The following DDX60 variants were observed in gnomAD, a reference collection of about 807,000 sequenced individuals.
DDX60 encodes the protein probable ATP-dependent RNA helicase DDX60.
A neutral mutation model predicts 212.8 loss-of-function variants in DDX60; 165 were observed. That is an observed-to-expected ratio of 0.78 (90% CI 0.68 to 0.88). The LOEUF (loss-of-function observed/expected upper bound fraction) is 0.88, where lower values mean the gene tolerates loss of function less well. Ranked by LOEUF, DDX60 falls within the 40% of genes least tolerant of loss-of-function variation. The pLI is 0.00. For synonymous variants in DDX60, 703 were observed against 685.3 expected (o/e 1.03, Z -0.40); for missense variants, 1,905 against 2,003.9 (o/e 0.95, Z 0.94).
intron 7 of DDX60, 107 bp from the exon 8 acceptor site, chr4:168,292,013 C>T (rs1228681938): frequency 1.7e-6 from 1 of 581,740 alleles, no homozygotes; most frequent in East Asian, 3.3e-5. Flanking sequence ...GTTCAGGAAT[C>T]ATGAATTATT....
the DDX60 span, among the ~76,000 whole-genome samples, chr4:168,325,596 AT>A: frequency 6.6e-6 from 1 of 152,266 alleles, no homozygotes; most frequent in Admixed American, 6.5e-5. Flanking sequence ...AGATGCACGT[AT>A]AAAATTAAAA....
chr4:168,308,312 C>T, intron 3 of DDX60, 117 bp from the exon 4 acceptor site: 1 of 629,552 alleles, frequency 1.6e-6, no homozygotes, highest in South Asian at 2.1e-5. Context: ...GCTGAGTTGT[C>T]TCATGGCAGT....
At chr4:168,254,868 T>C (rs1734344603) in intron 26 of DDX60, among the ~76,000 whole-genome samples, 1 of 152,074 alleles carries the variant, frequency 6.6e-6, no homozygotes, top group Non-Finnish European at 1.5e-5. Context: ...TATTGAGTAT[T>C]GGTAGAGGAG....
rs1212517313 is a variant in DDX60 at position 168,216,760 on chromosome 4, T to C, written c.*173A>G. On this transcript the variant is annotated 3_prime_UTR_variant, in exon 38 of 38. Transcript: ENST00000393743. ...ATTTGTGAGTATTCATGACAGAACA[T>C]GGCAGGTTTGATTGCAACTCTGTTT... The C allele has an allele frequency of 7.8e-6, 4 of 509,598 alleles. No individual in the cohort carries two copies. Among genetic ancestry groups the C allele is most frequent in the Non-Finnish European group, 1.0e-5 (3 of 293,518 alleles). The allele number at this position is 509,598 out of a possible 1,614,324, so 31.6% of individuals were successfully genotyped here.
intron 29 of DDX60, 49 bp from the exon 30 acceptor site, chr4:168,246,667 C>T: frequency 6.3e-7 from 1 of 1,585,818 alleles, no homozygotes; most frequent in Non-Finnish European, 8.6e-7. Context: ...AATGCTTCTA[C>T]TGCCATAGTG....
chr4:168,228,525 T>C (rs1733336487), intron 33 of DDX60, among the ~76,000 whole-genome samples: 1 of 152,048 alleles, frequency 6.6e-6, no homozygotes, highest in Non-Finnish European at 1.5e-5. Context: ...ATTTTACTAG[T>C]CTTTTAGCTG....
chr4:168,219,394 T>A, intron 37 of DDX60, among the ~76,000 whole-genome samples: 1 of 152,238 alleles, frequency 6.6e-6, no homozygotes, highest in East Asian at 1.9e-4. Context: ...GTGTGAATGA[T>A]TGATTGATTG....
chr4:168,275,725 A>G (rs1285561940), intron 15 of DDX60, among the ~76,000 whole-genome samples: 2 of 152,200 alleles, frequency 1.3e-5, no homozygotes, highest in Non-Finnish European at 2.9e-5. Context: ...ATATTTAAAG[A>G]CAATTGAATA....
At chr4:168,299,592 A>G (rs923692779) in intron 6 of DDX60, among the ~76,000 whole-genome samples, 24 of 152,108 alleles carry the variant, frequency 1.6e-4, no homozygotes, top group Non-Finnish European at 1.3e-4. Flanking sequence ...AGAATTCACA[A>G]ATACACAAAA....
At position 168,228,652 on chromosome 4, in the gene DDX60, C is replaced by A. The variant is rs551053838; in HGVS notation, c.4534-2976G>T. Among the ~76,000 whole-genome samples, 5 of 152,080 alleles carry A rather than the reference C, an allele frequency of 3.3e-5. No homozygotes were observed. In the East Asian group the frequency reaches 9.7e-4, roughly 29 times the overall value. ...CTTACATTATAATTTTCATAAACTTCAGTTCTATGTATTATTTCAAATTTT... is the reference window on the plus strand; with the variant it reads ...CTTACATTATAATTTTCATAAACTTAAGTTCTATGTATTATTTCAAATTTT... On this transcript the variant is annotated intron_variant, in intron 33 of 37. Coordinates refer to ENST00000393743, the MANE Select transcript of DDX60 (RefSeq NM_017631.6).
Position 168,220,665 on chromosome 4 carries a change from T to C in DDX60, c.5029A>G (p.Lys1677Glu), listed in dbSNP as rs766921690. Residue 1677 changes from lysine to glutamate, a missense_variant, in exon 37 of 38, where the codon AAA becomes GAA. Physicochemically the swap from Lys to Glu is moderately conservative, Grantham distance 56. Transcript: ENST00000393743. ...YLLKDFALTI[K>E]SISVSLRELC... ...AAATATATAACACACCTGATAGATT[T>C]AATGGTGAGTGCAAAATCCTTCAAC... The C allele has an allele frequency of 1.3e-5, 19 of 1,462,846 alleles. No individual in the cohort carries two copies. The South Asian group carries it at 2.6e-4, about 20-fold the overall frequency. The allele number at this position is 1,462,846 out of a possible 1,614,324, so 90.6% of individuals were successfully genotyped here.
At chr4:168,324,210 C>G in the DDX60 span, among the ~76,000 whole-genome samples, 3 of 152,268 alleles carry the variant, frequency 2.0e-5, no homozygotes, top group Admixed American at 6.5e-5. Flanking sequence ...TAATGGGCAA[C>G]TGGATAGAAA....
intron 28 of DDX60, among the ~76,000 whole-genome samples, chr4:168,248,777 G>A (rs1368653342): frequency 9.3e-6 from 1 of 107,296 alleles, no homozygotes. Flanking sequence ...TTTTTTTTTT[G>A]AGACGGAGTT....
At chr4:168,267,726 GA>G in intron 21 of DDX60, 35 bp from the exon 22 acceptor site, 2 of 1,548,500 alleles carry the variant, frequency 1.3e-6, no homozygotes, top group Non-Finnish European at 1.8e-6. Flanking sequence ...CACATCAATG[GA>G]AATGTAATCA....
chr4:168,278,197 T>C lies in DDX60; in HGVS notation c.1979-2016A>G, dbSNP rs147961781. ...GACTTAATAAGTGAAGAAAAACTCA[T>C]ATGCTGAGGTTGCTAAGATCTACAG... On this transcript the variant is annotated intron_variant, in intron 14 of 37. Coordinates refer to ENST00000393743, the MANE Select transcript of DDX60 (RefSeq NM_017631.6). 6.9e-3 allele frequency among the ~76,000 whole-genome samples: 1,045 copies of C among 152,336 alleles called. 11 individuals carry two copies. Among genetic ancestry groups the C allele is most frequent in the Non-Finnish European group, 9.3e-3 (633 of 68,028 alleles).
At chr4:168,259,931 T>A (rs1734558320) in intron 25 of DDX60, among the ~76,000 whole-genome samples, 1 of 152,000 alleles carries the variant, frequency 6.6e-6, no homozygotes, top group Non-Finnish European at 1.5e-5. Flanking sequence ...TATATTCAAT[T>A]TGTTTTGCAA....
At chr4:168,306,925 T>C (rs1190267867) in intron 4 of DDX60, among the ~76,000 whole-genome samples, 3 of 152,248 alleles carry the variant, frequency 2.0e-5, no homozygotes, top group African/African-American at 7.2e-5. Context: ...TGCATGTGTC[T>C]CCTTTAAGCA....
At chr4:168,242,908 T>C (rs569369386) in intron 30 of DDX60, among the ~76,000 whole-genome samples, 1 of 152,254 alleles carries the variant, frequency 6.6e-6, no homozygotes, top group Admixed American at 6.5e-5. Context: ...ACAATTCCCA[T>C]GGGTTGTGAG....
chr4:168,273,517 T>G, intron 17 of DDX60, 119 bp from the exon 18 acceptor site: 1 of 1,198,794 alleles, frequency 8.3e-7, no homozygotes, highest in Admixed American at 2.3e-5. Flanking sequence ...TACTAACCCC[T>G]TTCATCAACC....
Sources: allele counts gnomAD v4.1 joint callset (sites outside exome capture counted in the v4.1 genomes callset), GRCh38; gene constraint gnomAD v4.1.1; transcripts MANE v1.5; gene names NCBI Gene and HGNC (gene_info 2026-07-23, HGNC 2026-07-21).